VAV3: variants seen among roughly 807,000 people sequenced by gnomAD.
VAV3 encodes guanine nucleotide exchange factor VAV3.
In VAV3, 94 loss-of-function variants were observed where a neutral mutation model predicts 131.2. The observed-to-expected ratio is 0.72, with a 90% CI of 0.61 to 0.85. The LOEUF is 0.85. VAV3 is among the 40% of genes least tolerant of loss of function. VAV3 has a pLI of 0.00. For synonymous variants in VAV3, 349 were observed against 342.0 expected, an observed-to-expected ratio of 1.02 and a Z score of -0.22; for missense variants, 939 against 1,002.7, an observed-to-expected ratio of 0.94 and a Z score of 0.86.
At chr1:107,906,676 AAATACAATAC>A (rs561017259) in intron 1 of VAV3, among the ~76,000 whole-genome samples, 2 of 152,180 alleles carry the variant, frequency 1.3e-5, no homozygotes, top group Admixed American at 6.5e-5. Context: ...AAAAAAATTA[AAATACAATAC>A]AATACAATAC....
chr1:107,715,409 A>C (rs958107105), intron 15 of VAV3, among the ~76,000 whole-genome samples: 4 of 152,200 alleles, frequency 2.6e-5, no homozygotes, highest in African/African-American at 9.6e-5. Context: ...GAGCAGTATA[A>C]ATGATCATCT....
At chr1:107,734,388 C>T (rs1662456590) in intron 15 of VAV3, among the ~76,000 whole-genome samples, 1 of 152,016 alleles carries the variant, frequency 6.6e-6, no homozygotes, top group Non-Finnish European at 1.5e-5. Context: ...ATGGCCTAAT[C>T]CCCCAATTAA....
Position 107,571,339 on chromosome 1 carries a change from A to G in VAV3, c.*1992T>C, listed in dbSNP as rs990329599. The G allele has an allele frequency of 4.6e-5, 7 of 152,662 alleles. No homozygotes were observed. Among genetic ancestry groups the G allele is most frequent in the African/African-American group, 1.4e-4 (6 of 41,466 alleles). The allele number at this position is 152,662 out of a possible 1,614,324, so 9.5% of individuals were successfully genotyped here. A position where few individuals can be genotyped will look rare whatever the true frequency, so the allele number is the denominator to read the frequency against. ...CAAATCTGCAGCATTTAAATTTTCC[A>G]AAACAAAGTATTAAACGTGGACAAA... On this transcript the variant is annotated 3_prime_UTR_variant, in exon 27 of 27. Transcript: ENST00000370056.
intron 15 of VAV3, among the ~76,000 whole-genome samples, chr1:107,707,383 T>C (rs1660515210): frequency 1.3e-5 from 2 of 152,288 alleles, no homozygotes; most frequent in South Asian, 2.1e-4. Flanking sequence ...TTAGTGAGTA[T>C]AAAACAGGAA....
At chr1:107,766,832 A>G (rs1664760432) in intron 7 of VAV3, among the ~76,000 whole-genome samples, 1 of 152,010 alleles carries the variant, frequency 6.6e-6, no homozygotes, top group Non-Finnish European at 1.5e-5. Flanking sequence ...AAGGCAGAGG[A>G]GAGGGAGGAG....
chr1:107,742,143 T>C (rs946902316), intron 15 of VAV3, among the ~76,000 whole-genome samples: 2 of 152,318 alleles, frequency 1.3e-5, no homozygotes, highest in African/African-American at 4.8e-5. Context: ...ATCCACACTA[T>C]ATAGCCTTCT....
At chr1:107,722,116 T>C (rs1026334228) in intron 15 of VAV3, among the ~76,000 whole-genome samples, 25 of 152,210 alleles carry the variant, frequency 1.6e-4, no homozygotes, top group African/African-American at 6.0e-4. Flanking sequence ...ACATATTTTC[T>C]GCAGAGTCAG....
intron 19 of VAV3, among the ~76,000 whole-genome samples, chr1:107,663,987 T>A (rs1657228469): frequency 6.6e-6 from 1 of 152,186 alleles, no homozygotes; most frequent in African/African-American, 2.4e-5. Flanking sequence ...AATACTCAAA[T>A]GTAATGCTTT....
At chr1:107,921,419 T>C (rs1252321681) in intron 1 of VAV3, among the ~76,000 whole-genome samples, 1 of 152,224 alleles carries the variant, frequency 6.6e-6, no homozygotes, top group African/African-American at 2.4e-5. Context: ...AACATGGCTA[T>C]TTTTCCCCCT....
At chr1:107,866,088 G>C (rs941164801) in intron 2 of VAV3, among the ~76,000 whole-genome samples, 1 of 152,128 alleles carries the variant, frequency 6.6e-6, no homozygotes, top group South Asian at 2.1e-4. Flanking sequence ...AAGAATCATG[G>C]GAAAGGGGCC....
intron 19 of VAV3, among the ~76,000 whole-genome samples, chr1:107,681,610 A>G (rs551216857): frequency 7.2e-5 from 11 of 152,292 alleles, no homozygotes; most frequent in African/African-American, 2.6e-4. Flanking sequence ...AATATGGAAA[A>G]AGGAAAAATA....
At chr1:107,844,218 C>T (rs1014330249) in intron 2 of VAV3, among the ~76,000 whole-genome samples, 1 of 151,888 alleles carries the variant, frequency 6.6e-6, no homozygotes, top group Non-Finnish European at 1.5e-5. Flanking sequence ...TGCAAGAGGT[C>T]AGGGAACTCC....
chr1:107,866,822 C>CAAAAAAAAAAAAAA (rs66866060), intron 2 of VAV3, among the ~76,000 whole-genome samples: 4 of 59,200 alleles, frequency 6.8e-5, no homozygotes, highest in African/African-American at 3.3e-4. Context: ...GACTCCATCT[C>CAAAAAAAAAAAAAA]AAAAAAAAAA....
intron 1 of VAV3, among the ~76,000 whole-genome samples, chr1:107,916,209 G>A (rs2101134058): frequency 6.6e-6 from 1 of 151,946 alleles, no homozygotes; most frequent in East Asian, 1.9e-4. Flanking sequence ...ATGAAAAGAA[G>A]AAAAAAACTT....
chr1:107,775,019 C>A (rs958138891), intron 4 of VAV3, among the ~76,000 whole-genome samples: 1 of 151,784 alleles, frequency 6.6e-6, no homozygotes, highest in Non-Finnish European at 1.5e-5. Context: ...CCAGCCTGGG[C>A]ATATTAAATA....
chr1:107,779,850 AC>A (rs1007639576), intron 2 of VAV3, among the ~76,000 whole-genome samples: 3 of 152,136 alleles, frequency 2.0e-5, no homozygotes, highest in African/African-American at 7.2e-5. Context: ...CCAGTATAGT[AC>A]CCACTAGCCA....
intron 19 of VAV3, among the ~76,000 whole-genome samples, chr1:107,647,964 T>C (rs1256056655): frequency 6.6e-6 from 1 of 152,018 alleles, no homozygotes; most frequent in African/African-American, 2.4e-5. Context: ...TAAGAAAGCA[T>C]GACTTTTTCA....
intron 6 of VAV3, 61 bp downstream of exon 6, chr1:107,770,575 T>C: frequency 9.5e-7 from 1 of 1,049,940 alleles, no homozygotes; most frequent in Non-Finnish European, 1.5e-6. Context: ...AAACAGTGAG[T>C]CTAATATATT....
intron 1 of VAV3, among the ~76,000 whole-genome samples, chr1:107,900,338 C>T (rs914337306): frequency 6.6e-6 from 1 of 152,220 alleles, no homozygotes; most frequent in Non-Finnish European, 1.5e-5. Flanking sequence ...CTTACCACTG[C>T]ATGCAAATTT....
Sources: allele counts gnomAD v4.1 joint callset (sites outside exome capture counted in the v4.1 genomes callset), GRCh38; gene constraint gnomAD v4.1.1; transcripts MANE v1.5; gene names NCBI Gene and HGNC (gene_info 2026-07-23, HGNC 2026-07-21).